Variants in CHRDL2 observed in about 807,000 individuals in gnomAD.
The protein encoded by CHRDL2 is chordin like 2, also known as chordin-like protein 2.
A neutral mutation model predicts 54.3 loss-of-function variants in CHRDL2; 41 were observed. The observed-to-expected ratio is 0.76, with a 90% CI of 0.59 to 0.98. CHRDL2 has a LOEUF of 0.98. Ranked by LOEUF, CHRDL2 falls within the 50% of genes least tolerant of loss-of-function variation. The pLI, the probability that CHRDL2 is intolerant of heterozygous loss-of-function variation, is 0.00. For missense variants in CHRDL2, 518 were observed against 562.4 expected, an observed-to-expected ratio of 0.92 and a Z score of 0.80; for synonymous variants, 220 against 224.3, an observed-to-expected ratio of 0.98 and a Z score of 0.17.
intron 1 of CHRDL2, among the ~76,000 whole-genome samples, chr11:74,727,240 C>G (rs1249825268): frequency 6.6e-6 from 1 of 152,166 alleles, no homozygotes; most frequent in Non-Finnish European, 1.5e-5. Context: ...ATGGCACAGC[C>G]AGGGCTGGAT....
intron 1 of CHRDL2, among the ~76,000 whole-genome samples, chr11:74,721,559 A>G (rs2034500742): frequency 6.6e-6 from 1 of 152,242 alleles, no homozygotes; most frequent in Non-Finnish European, 1.5e-5. Context: ...GAAGGGTGGC[A>G]TGGCCTGGAG....
At chr11:74,719,731 C>T (rs1253382665) in intron 1 of CHRDL2, among the ~76,000 whole-genome samples, 1 of 152,218 alleles carries the variant, frequency 6.6e-6, no homozygotes, top group East Asian at 1.9e-4. Flanking sequence ...ATGAATGCTT[C>T]TAAGAATTAC....
intron 4 of CHRDL2, 21 bp from the exon 5 acceptor site, chr11:74,708,416 G>T (rs1437516018): frequency 4.6e-6 from 7 of 1,526,146 alleles, no homozygotes; most frequent in Non-Finnish European, 6.2e-6. Flanking sequence ...GAGCAAACCA[G>T]CTGGGAAATG....
chr11:74,722,203 G>A (rs765260661), intron 1 of CHRDL2, among the ~76,000 whole-genome samples: 8 of 152,026 alleles, frequency 5.3e-5, no homozygotes, highest in South Asian at 2.1e-4. Context: ...CCTCTGTGGC[G>A]TTCCCACCTC....
At position 74,730,885 on chromosome 11, in the gene CHRDL2, C is replaced by T; in HGVS notation, c.4G>A (p.Val2Ile). The T allele has an allele frequency of 1.2e-6, 2 of 1,608,664 alleles. No homozygotes were observed. The highest frequency in any genetic ancestry group is 1.7e-6 in the Non-Finnish European group (2 of 1,177,870). The change falls in exon 1 of 11, where the codon GTT becomes ATT. Residue 2 changes from valine (V) to isoleucine (I), a missense_variant. By Grantham distance (29) the Val-to-Ile change is conservative (BLOSUM62 3). Transcript: ENST00000376332. ...GAGGAGAGGACCCTCACCTCGGGAA[C>T]CATCCTTTCCCCAGGGTCAGGCCGC... The part of the protein sequence containing the change: M[V>I]PEVRVLSSLL...
At chr11:74,702,252 CAAA>C (rs11302036) in intron 9 of CHRDL2, among the ~76,000 whole-genome samples, 23 of 141,546 alleles carry the variant, frequency 1.6e-4, no homozygotes, top group Admixed American at 2.8e-4. Context: ...GACCCTGTCT[CAAA>C]AAAAAAAAAA....
intron 2 of CHRDL2, 103 bp from the exon 3 acceptor site, chr11:74,713,582 TGTC>T (rs2034263904): frequency 1.2e-6 from 1 of 855,378 alleles, no homozygotes; most frequent in Non-Finnish European, 1.9e-6. Context: ...AGTCTGAACT[TGTC>T]GTAAGCCTGT....
chr11:74,715,833 C>T (rs904858273), intron 2 of CHRDL2, among the ~76,000 whole-genome samples: 3 of 151,562 alleles, frequency 2.0e-5, no homozygotes, highest in African/African-American at 7.3e-5. Context: ...CAAAAATTAG[C>T]CGGGCGTGGT....
rs762836827 is a variant in CHRDL2 at position 74,696,577 on chromosome 11, TC to T, written c.1221del (p.Trp407Ter). 3 of 1,613,626 alleles carry T rather than the reference TC, an allele frequency of 1.9e-6. No individual in the cohort carries two copies. The South Asian group carries it at 3.3e-5, about 18-fold the overall frequency. On this transcript the variant is annotated frameshift_variant, in exon 11 of 11. Transcript: ENST00000376332. LOFTEE classifies it high-confidence loss of function. ...TCCAGGGTCTGGGCTAGGAAGACGTTCCAGTGACCTGCATGGAGGAGGGCAG... is the reference window on the plus strand; with the variant it reads ...TCCAGGGTCTGGGCTAGGAAGACGTTCAGTGACCTGCATGGAGGAGGGCAG... ...RLLAGPHEGH[W>X]NVFLAQTLEL...
chr11:74,698,228 T>C (rs2135225536), intron 9 of CHRDL2: 1 of 63,916 alleles, frequency 1.6e-5, no homozygotes, highest in East Asian at 3.9e-4. Flanking sequence ...CACACCTGGC[T>C]AATTTTTTTT....
chr11:74,730,706 G>C, intron 1 of CHRDL2, 101 bp downstream of exon 1: 1 of 1,127,784 alleles, frequency 8.9e-7, no homozygotes, highest in Admixed American at 2.0e-5. Context: ...GTGCTGCCTG[G>C]ACGGCTGTCA....
At chr11:74,716,540 CAAAAAAAAAAA>C (rs751918696) in intron 2 of CHRDL2, among the ~76,000 whole-genome samples, 4 of 57,660 alleles carry the variant, frequency 6.9e-5, no homozygotes, top group African/African-American at 2.1e-4. Flanking sequence ...ACTCCATCTC[CAAAAAAAAAAA>C]AAAAAAAAGA....
intron 5 of CHRDL2, among the ~76,000 whole-genome samples, chr11:74,707,635 T>C (rs1453071039): frequency 6.6e-6 from 1 of 152,058 alleles, no homozygotes; most frequent in Non-Finnish European, 1.5e-5. Context: ...GTGCCACTTA[T>C]GGTTCTCTCA....
chr11:74,697,770 G>A (rs2033651828), intron 9 of CHRDL2: 1 of 297,098 alleles, frequency 3.4e-6, no homozygotes, highest in South Asian at 2.9e-5. Flanking sequence ...AGGGAGAGGA[G>A]GAAGAAAGGA....
chr11:74,730,953 A>T lies in CHRDL2; in HGVS notation c.-65T>A, dbSNP rs1240652838. ...CGGGAGGAAGGGAGACGAAAAGGAC[A>T]CGGAGGCACAGGGGCCACAGATCAA... On this transcript the variant is annotated 5_prime_UTR_variant, in exon 1 of 11. Coordinates refer to ENST00000376332, the MANE Select transcript of CHRDL2 (RefSeq NM_001278473.3). 2.9e-6 allele frequency: 4 copies of T among 1,367,942 alleles called. No homozygotes were observed. In the Admixed American group the frequency reaches 8.1e-5, roughly 28 times the overall value. The allele number at this position is 1,367,942 out of a possible 1,614,324, so 84.7% of individuals were successfully genotyped here.
At chr11:74,728,268 C>T (rs1001377737) in intron 1 of CHRDL2, among the ~76,000 whole-genome samples, 18 of 152,142 alleles carry the variant, frequency 1.2e-4, no homozygotes, top group African/African-American at 4.3e-4. Flanking sequence ...CATTTCCATC[C>T]GTTAGCACTG....
chr11:74,729,938 G>A (rs1161457507), intron 1 of CHRDL2, among the ~76,000 whole-genome samples: 3 of 152,204 alleles, frequency 2.0e-5, no homozygotes, highest in Non-Finnish European at 4.4e-5. Flanking sequence ...CTGTATCTAT[G>A]TGGAAAAGCA....
intron 3 of CHRDL2, 78 bp from the exon 4 acceptor site, chr11:74,711,069 T>G: frequency 4.7e-6 from 7 of 1,482,640 alleles, no homozygotes; most frequent in Non-Finnish European, 5.5e-6. Flanking sequence ...AAGGCCACTT[T>G]TCTGATGATT....
Position 74,712,389 on chromosome 11 carries a change from G to A in CHRDL2, c.289+997C>T, listed in dbSNP as rs374327525. ...TGGGAAGAGAGAGGGAGTGAAGAGT[G>A]TTTTAGCAACAAGAGGCCTGGGCCA... On this transcript the variant is annotated intron_variant, in intron 3 of 10. Coordinates refer to ENST00000376332, the MANE Select transcript of CHRDL2 (RefSeq NM_001278473.3). Among the ~76,000 whole-genome samples the A allele has an allele frequency of 1.7e-3, 260 of 152,258 alleles. 10 individuals are homozygous for A. The South Asian group carries it at 0.053, about 31-fold the overall frequency.
Sources: allele counts gnomAD v4.1 joint callset (sites outside exome capture counted in the v4.1 genomes callset), GRCh38; gene constraint gnomAD v4.1.1; transcripts MANE v1.5; gene names NCBI Gene and HGNC (gene_info 2026-07-23, HGNC 2026-07-21).